SPAG16: variants seen among roughly 807,000 people sequenced by gnomAD.
SPAG16 encodes the protein sperm-associated antigen 16 protein.
In SPAG16, 86 loss-of-function variants were observed where a neutral mutation model predicts 80.4. The ratio of observed to expected loss-of-function variants is 1.07; its 90% confidence interval spans 0.90 to 1.28. The LOEUF (loss-of-function observed/expected upper bound fraction) is 1.28, where lower values mean the gene tolerates loss of function less well. Among genes scored for constraint, SPAG16 ranks in the 50% most tolerant of loss-of-function variants. The pLI is 0.00. For synonymous variants in SPAG16, 294 were observed against 265.9 expected (o/e 1.11, Z -1.03); for missense variants, 870 against 765.3 (o/e 1.14, Z -1.61).
intron 15 of SPAG16, among the ~76,000 whole-genome samples, chr2:214,319,225 A>ACACACACACAC (rs1189650614): frequency 1.5e-4 from 3 of 20,138 alleles, no homozygotes; most frequent in Admixed American, 5.9e-4. Flanking sequence ...CACACACACA[A>ACACACACACAC]GAAGTGTAGA....
intron 10 of SPAG16, among the ~76,000 whole-genome samples, chr2:213,497,395 T>C (rs899718164): frequency 3.9e-5 from 6 of 152,150 alleles, no homozygotes; most frequent in African/African-American, 1.4e-4. Flanking sequence ...TGTTTAGACA[T>C]TGGGTTTTAA....
intron 10 of SPAG16, among the ~76,000 whole-genome samples, chr2:213,639,605 A>G (rs192963599): frequency 1.9e-4 from 29 of 152,286 alleles, no homozygotes; most frequent in African/African-American, 6.7e-4. Flanking sequence ...CTGCTGAGAA[A>G]TCTGCTGTAA....
chr2:213,368,251 G>A (rs896792159), intron 8 of SPAG16, among the ~76,000 whole-genome samples: 1 of 152,132 alleles, frequency 6.6e-6, no homozygotes, highest in Non-Finnish European at 1.5e-5. Context: ...TTTTTGCTTA[G>A]GATTGTCTTG....
At chr2:214,362,949 G>T (rs1313857033) in intron 15 of SPAG16, among the ~76,000 whole-genome samples, 1 of 151,800 alleles carries the variant, frequency 6.6e-6, no homozygotes, top group Admixed American at 6.6e-5. Context: ...CATCTCTAAA[G>T]TTCCATTGAT....
At chr2:214,229,153 A>C (rs1195523953) in intron 15 of SPAG16, among the ~76,000 whole-genome samples, 1 of 150,002 alleles carries the variant, frequency 6.7e-6, no homozygotes, top group Admixed American at 6.7e-5. Context: ...CACGAGAAGC[A>C]GGAAAAAAAA....
chr2:213,903,655 G>T (rs145245046), intron 11 of SPAG16, among the ~76,000 whole-genome samples: 15 of 152,250 alleles, frequency 9.9e-5, no homozygotes, highest in Middle Eastern at 3.4e-3. Context: ...TCATTGTCTT[G>T]GGGATTAATT....
rs115754199 is a variant in SPAG16, at chr2:213,553,317, A to T, written c.1070+63227A>T. 9.3e-3 allele frequency among the ~76,000 whole-genome samples: 1,412 copies of T among 152,294 alleles called. 20 individuals carry two copies. The highest frequency in any genetic ancestry group is 0.013 in the Non-Finnish European group (867 of 68,016). On this transcript the variant is annotated intron_variant, in intron 10 of 15. Transcript: ENST00000331683. ...TGGAGCAAAAATATGGAGAATATCC[A>T]CATAGAATCACTGGTAAGAACAGCA...
chr2:214,120,058 A>T (rs549007795), intron 14 of SPAG16, among the ~76,000 whole-genome samples: 1 of 151,886 alleles, frequency 6.6e-6, no homozygotes, highest in African/African-American at 2.4e-5. Flanking sequence ...TCTCAATATG[A>T]GCACTTTTGT....
chr2:213,765,372 C>T (rs956557070), intron 10 of SPAG16, among the ~76,000 whole-genome samples: 1 of 151,928 alleles, frequency 6.6e-6, no homozygotes, highest in African/African-American at 2.4e-5. Flanking sequence ...TGTCTCAAAA[C>T]AAATCAAAAC....
At chr2:213,703,588 T>G (rs910904606) in intron 10 of SPAG16, among the ~76,000 whole-genome samples, 2 of 152,188 alleles carry the variant, frequency 1.3e-5, no homozygotes, top group Non-Finnish European at 2.9e-5. Context: ...TTACCATATG[T>G]GGCAGACACC....
intron 10 of SPAG16, among the ~76,000 whole-genome samples, chr2:213,850,153 C>G (rs1412369086): frequency 6.6e-6 from 1 of 152,072 alleles, no homozygotes; most frequent in African/African-American, 2.4e-5. Flanking sequence ...TACAAATTTC[C>G]TTTAGTTGAA....
chr2:214,129,423 C>G (rs543025018), intron 14 of SPAG16, among the ~76,000 whole-genome samples: 1 of 152,152 alleles, frequency 6.6e-6, no homozygotes, highest in East Asian at 1.9e-4. Context: ...CCATTGTTTT[C>G]TATATTTTGT....
intron 12 of SPAG16, among the ~76,000 whole-genome samples, chr2:213,999,330 C>A (rs922447692): frequency 7.9e-5 from 12 of 152,230 alleles, no homozygotes; most frequent in African/African-American, 2.7e-4. Context: ...TGGGCTGTGG[C>A]TTCAGAGGGT....
intron 10 of SPAG16, among the ~76,000 whole-genome samples, chr2:213,659,892 A>G (rs2063353846): frequency 6.6e-6 from 1 of 151,876 alleles, no homozygotes; most frequent in African/African-American, 2.4e-5. Context: ...GTTTATGTGC[A>G]GGTTTATTTT....
At chr2:213,934,555 A>C (rs2078907612) in intron 12 of SPAG16, among the ~76,000 whole-genome samples, 1 of 152,172 alleles carries the variant, frequency 6.6e-6, no homozygotes, top group Non-Finnish European at 1.5e-5. Flanking sequence ...GGTGAGAAAA[A>C]GGCCAAACTG....
intron 15 of SPAG16, among the ~76,000 whole-genome samples, chr2:214,245,301 A>G (rs917741200): frequency 3.3e-5 from 5 of 152,124 alleles, no homozygotes; most frequent in Non-Finnish European, 7.3e-5. Flanking sequence ...TTCCCTGATT[A>G]CCTGGCACTT....
At chr2:213,408,587 A>G (rs1000211389) in intron 9 of SPAG16, among the ~76,000 whole-genome samples, 4 of 152,360 alleles carry the variant, frequency 2.6e-5, no homozygotes, top group Admixed American at 2.0e-4. Context: ...GGGGATTTAA[A>G]TCTTAATTAC....
intron 10 of SPAG16, among the ~76,000 whole-genome samples, chr2:213,744,587 T>C (rs2067729009): frequency 6.6e-6 from 1 of 152,212 alleles, no homozygotes; most frequent in Admixed American, 6.5e-5. Context: ...AATGGAATCA[T>C]CCATAGTATC....
At chr2:213,371,595 G>T (rs1374659690) in intron 8 of SPAG16, among the ~76,000 whole-genome samples, 1 of 151,280 alleles carries the variant, frequency 6.6e-6, no homozygotes, top group Non-Finnish European at 1.5e-5. Flanking sequence ...ATTTATTTTC[G>T]GCAGAAGTTG....
Sources: allele counts gnomAD v4.1 joint callset (sites outside exome capture counted in the v4.1 genomes callset), GRCh38; gene constraint gnomAD v4.1.1; transcripts MANE v1.5; gene names NCBI Gene and HGNC (gene_info 2026-07-23, HGNC 2026-07-21).